Variants in FAR2 observed in about 807,000 individuals in gnomAD.
FAR2 encodes the protein fatty acyl-CoA reductase 2.
Under a neutral mutation model 56.0 loss-of-function variants are expected in FAR2, and 19 were observed. That is an observed-to-expected ratio of 0.34 (90% CI 0.24 to 0.50). The LOEUF (loss-of-function observed/expected upper bound fraction) is 0.50, where lower values mean the gene tolerates loss of function less well. Among genes scored for constraint, FAR2 ranks in the 20% least tolerant of loss-of-function variants. The pLI, the probability that FAR2 is intolerant of heterozygous loss-of-function variation, is 0.98. For synonymous variants in FAR2, 219 were observed against 218.8 expected, an observed-to-expected ratio of 1.00 and a Z score of -0.01; for missense variants, 508 against 642.2, an observed-to-expected ratio of 0.79 and a Z score of 2.26.
At chr12:29,286,101 A>G (rs944557495) in intron 2 of FAR2, among the ~76,000 whole-genome samples, 5 of 151,764 alleles carry the variant, frequency 3.3e-5, no homozygotes, top group Admixed American at 3.3e-4. Flanking sequence ...ACACACACAC[A>G]CAACACAGCT....
intron 2 of FAR2, among the ~76,000 whole-genome samples, chr12:29,277,118 C>T (rs1442520164): frequency 6.6e-6 from 1 of 152,152 alleles, no homozygotes; most frequent in East Asian, 1.9e-4. Context: ...GCTGGGATTA[C>T]AGGCATCTGC....
chr12:29,307,313 T>A (rs1049419975), intron 4 of FAR2, among the ~76,000 whole-genome samples: 1 of 152,212 alleles, frequency 6.6e-6, no homozygotes, highest in African/African-American at 2.4e-5. Context: ...AGTGCTAAAG[T>A]AATACTAATA....
chr12:29,254,693 T>C (rs1445946388), intron 1 of FAR2, among the ~76,000 whole-genome samples: 4 of 152,194 alleles, frequency 2.6e-5, no homozygotes, highest in Non-Finnish European at 5.9e-5. Flanking sequence ...AGCTCATGCC[T>C]GTAATCCCAG....
chr12:29,322,617 G>T (rs558322998), intron 10 of FAR2, among the ~76,000 whole-genome samples: 1 of 152,092 alleles, frequency 6.6e-6, no homozygotes, highest in African/African-American at 2.4e-5. Context: ...AAATTCTTTT[G>T]TATATTATAC....
intron 1 of FAR2, among the ~76,000 whole-genome samples, chr12:29,238,830 G>A (rs1947981363): frequency 1.3e-5 from 2 of 152,096 alleles, no homozygotes; most frequent in East Asian, 3.9e-4. Context: ...AACTGTATTA[G>A]TTTTCTATTG....
intron 1 of FAR2, among the ~76,000 whole-genome samples, chr12:29,259,453 G>A (rs1177603446): frequency 6.6e-6 from 1 of 152,150 alleles, no homozygotes; most frequent in Non-Finnish European, 1.5e-5. Flanking sequence ...AAGACATTTG[G>A]ATAAATTTGT....
At chr12:29,216,985 T>C (rs1041693866) in intron 1 of FAR2, among the ~76,000 whole-genome samples, 1 of 152,156 alleles carries the variant, frequency 6.6e-6, no homozygotes, top group Non-Finnish European at 1.5e-5. Context: ...AAGGTAAGGC[T>C]CTCTAATCGC....
At chr12:29,257,794 G>A (rs1051249856) in intron 1 of FAR2, among the ~76,000 whole-genome samples, 11 of 152,056 alleles carry the variant, frequency 7.2e-5, no homozygotes, top group Admixed American at 2.0e-4. Context: ...AACAAACTCC[G>A]GACACGCCAC....
At chr12:29,170,594 TC>T (rs1477955775) in intron 1 of FAR2, among the ~76,000 whole-genome samples, 1 of 152,186 alleles carries the variant, frequency 6.6e-6, no homozygotes, top group African/African-American at 2.4e-5. Context: ...TCTTTCTGAC[TC>T]CCTCTTTGTC....
At chr12:29,150,781 C>T (rs886110735) in intron 1 of FAR2, among the ~76,000 whole-genome samples, 7 of 152,182 alleles carry the variant, frequency 4.6e-5, no homozygotes, top group Non-Finnish European at 1.0e-4. Context: ...TTTCCTAATT[C>T]TGAGGGCTGC....
chr12:29,186,128 AT>A (rs1950037606), intron 1 of FAR2, among the ~76,000 whole-genome samples: 1 of 152,194 alleles, frequency 6.6e-6, no homozygotes, highest in South Asian at 2.1e-4. Flanking sequence ...ATAAACCTTT[AT>A]CATTTCAATA....
intron 2 of FAR2, chr12:29,291,610 G>A: frequency 2.6e-6 from 1 of 377,606 alleles, no homozygotes; most frequent in Non-Finnish European, 5.2e-6. Flanking sequence ...TTCTTATTTA[G>A]TGGGTATGGG....
At chr12:29,257,953 G>A (rs1254129495) in intron 1 of FAR2, among the ~76,000 whole-genome samples, 6 of 152,138 alleles carry the variant, frequency 3.9e-5, no homozygotes, top group Non-Finnish European at 8.8e-5. Context: ...TGAAAACATA[G>A]TAGAGACAGG....
chr12:29,204,011 A>AAC, intron 1 of FAR2, among the ~76,000 whole-genome samples: 1 of 149,304 alleles, frequency 6.7e-6, no homozygotes, highest in East Asian at 2.0e-4. Context: ...AAAAAAAAAA[A>AAC]AAAAAAAAAA....
At chr12:29,259,436 G>C (rs908537706) in intron 1 of FAR2, among the ~76,000 whole-genome samples, 3 of 152,192 alleles carry the variant, frequency 2.0e-5, no homozygotes, top group African/African-American at 7.2e-5. Flanking sequence ...CTCTCCAGTG[G>C]ACTACGAAGA....
At chr12:29,204,237 T>G (rs1056492438) in intron 1 of FAR2, among the ~76,000 whole-genome samples, 3 of 152,044 alleles carry the variant, frequency 2.0e-5, no homozygotes, top group Admixed American at 6.5e-5. Flanking sequence ...TTCACATTTT[T>G]TTTTCAAGTA....
chr12:29,218,672 T>C (rs1378834623), intron 1 of FAR2, among the ~76,000 whole-genome samples: 1 of 152,048 alleles, frequency 6.6e-6, no homozygotes. Context: ...GTTATGCCAG[T>C]CAGGATGAAC....
rs190745042 is a variant in FAR2, at chr12:29,323,497, C to A, written c.1257+1573C>A. 4.3e-3 allele frequency among the ~76,000 whole-genome samples: 649 copies of A among 152,354 alleles called. 3 individuals are homozygous for A. The highest frequency in any genetic ancestry group is 6.8e-3 in the Middle Eastern group (2 of 294). On this transcript the variant is annotated intron_variant, in intron 10 of 11. Coordinates refer to ENST00000536681, the MANE Select transcript of FAR2 (RefSeq NM_001271783.2). Reference sequence around the variant, plus strand: ...AGTAGCCTAACTGGGAGGCACCCCCCAGTAGGGGCGGACTGACACATCACA... The same window carrying A: ...AGTAGCCTAACTGGGAGGCACCCCCAAGTAGGGGCGGACTGACACATCACA...
At chr12:29,280,608 A>G (rs1165772255) in intron 2 of FAR2, 2 of 152,202 alleles carry the variant, frequency 1.3e-5, no homozygotes, top group African/African-American at 2.4e-5. Context: ...GTAGCTTAAT[A>G]CAAATGAAAT....
Sources: gnomAD v4.1 joint callset for allele counts (sites outside exome capture counted in the v4.1 genomes callset) on GRCh38, gnomAD v4.1.1 for gene constraint, MANE v1.5 for transcripts, NCBI Gene and HGNC (gene_info 2026-07-23, HGNC 2026-07-21) for gene names.